Variants in IL1RAPL2 observed in about 807,000 individuals in gnomAD.
The protein encoded by IL1RAPL2 is X-linked interleukin-1 receptor accessory protein-like 2.
A neutral mutation model predicts 44.1 loss-of-function variants in IL1RAPL2; 3 were observed. That is an observed-to-expected ratio of 0.07 (90% confidence interval 0.03 to 0.18). IL1RAPL2 has a LOEUF of 0.18. Among genes scored for constraint, IL1RAPL2 ranks in the 10% least tolerant of loss-of-function variants. IL1RAPL2 has a pLI of 1.00. For missense variants in IL1RAPL2, 391 were observed against 496.4 expected (o/e 0.79, Z 2.02); for synonymous variants, 181 against 178.8 (o/e 1.01, Z -0.10).
chrX:105,633,632 T>G (rs753009627), intron 6 of IL1RAPL2, among the ~76,000 whole-genome samples: 1 of 111,713 alleles, frequency 9.0e-6, no homozygotes, highest in Admixed American at 9.5e-5. Context: ...TAGGAAAGCT[T>G]CTTTATCACT....
intron 5 of IL1RAPL2, among the ~76,000 whole-genome samples, chrX:105,284,999 G>C (rs778769057): frequency 1.8e-5 from 2 of 112,044 alleles, no homozygotes; most frequent in South Asian, 7.5e-4. Flanking sequence ...TTTCCTCACT[G>C]ATAAAGAAGT....
intron 6 of IL1RAPL2, among the ~76,000 whole-genome samples, chrX:105,586,747 T>A (rs1047060632): frequency 3.6e-5 from 4 of 112,423 alleles, no homozygotes; most frequent in African/African-American, 1.3e-4. Flanking sequence ...TTTCCTTCCA[T>A]GCATGCATAG....
intron 2 of IL1RAPL2, among the ~76,000 whole-genome samples, chrX:104,878,193 A>G: frequency 9.0e-6 from 1 of 111,226 alleles, no homozygotes; most frequent in Non-Finnish European, 1.9e-5. Context: ...GTTTCACCAC[A>G]CTCTGTGCCA....
intron 5 of IL1RAPL2, among the ~76,000 whole-genome samples, chrX:105,345,569 T>C (rs1217744586): frequency 9.0e-6 from 1 of 111,407 alleles, no homozygotes; most frequent in East Asian, 2.8e-4. Flanking sequence ...GTTTTTTTTT[T>C]CATTTCAGAG....
chrX:105,397,962 T>C (rs749499923), intron 5 of IL1RAPL2, among the ~76,000 whole-genome samples: 1 of 110,793 alleles, frequency 9.0e-6, no homozygotes, highest in Admixed American at 9.7e-5. Context: ...CAAAAATGCC[T>C]AAAGTTTCTT....
At chrX:105,111,431 GC>G (rs1305343591) in intron 2 of IL1RAPL2, among the ~76,000 whole-genome samples, 2 of 111,497 alleles carry the variant, frequency 1.8e-5, no homozygotes, top group Non-Finnish European at 1.9e-5. Context: ...ATACCTGGAA[GC>G]TTGATGTCTA....
intron 2 of IL1RAPL2, among the ~76,000 whole-genome samples, chrX:104,661,635 A>G (rs1444694316): frequency 9.1e-6 from 1 of 109,704 alleles, no homozygotes; most frequent in Non-Finnish European, 1.9e-5. Flanking sequence ...TGTAGAAAAT[A>G]TAATTATTTG....
chrX:104,917,710 A>C (rs768378739), intron 2 of IL1RAPL2, among the ~76,000 whole-genome samples: 2 of 112,169 alleles, frequency 1.8e-5, no homozygotes, highest in Non-Finnish European at 3.8e-5. Context: ...GTAAGAATTT[A>C]AACACCAGGG....
chrX:105,149,415 A>G (rs187873458), intron 2 of IL1RAPL2, among the ~76,000 whole-genome samples: 1 of 112,202 alleles, frequency 8.9e-6, no homozygotes, highest in African/African-American at 3.2e-5. Flanking sequence ...ATGACAATGA[A>G]TATGTTGCTT....
At chrX:104,850,856 T>A (rs1358305397) in intron 2 of IL1RAPL2, among the ~76,000 whole-genome samples, 4 of 111,577 alleles carry the variant, frequency 3.6e-5, no homozygotes, top group East Asian at 2.8e-4. Flanking sequence ...TAGTTTTTTT[T>A]AATAAGCTTA....
At chrX:105,273,711 A>G (rs1264476157) in intron 5 of IL1RAPL2, among the ~76,000 whole-genome samples, 1 of 111,814 alleles carries the variant, frequency 8.9e-6, no homozygotes, top group Non-Finnish European at 1.9e-5. Flanking sequence ...AAAAATGGGC[A>G]ATTTTCCCTG....
intron 2 of IL1RAPL2, among the ~76,000 whole-genome samples, chrX:104,890,204 G>T (rs1162650414): frequency 8.9e-6 from 1 of 111,751 alleles, no homozygotes; most frequent in African/African-American, 3.3e-5. Context: ...ATCATTGTTG[G>T]ACACTTGGGT....
intron 10 of IL1RAPL2, among the ~76,000 whole-genome samples, chrX:105,763,723 T>G (rs2038706521): frequency 9.0e-6 from 1 of 111,069 alleles, no homozygotes; most frequent in Admixed American, 9.6e-5. Flanking sequence ...CAGTCTCGCC[T>G]TCTTTTCCTA....
At chrX:104,692,914 T>C (rs1287984250) in intron 2 of IL1RAPL2, among the ~76,000 whole-genome samples, 2 of 111,626 alleles carry the variant, frequency 1.8e-5, no homozygotes, top group Non-Finnish European at 3.8e-5. Flanking sequence ...TCTGAGGAAT[T>C]GCCACACCAA....
intron 1 of IL1RAPL2, among the ~76,000 whole-genome samples, chrX:104,622,087 A>G (rs1314774474): frequency 9.1e-6 from 1 of 109,816 alleles, no homozygotes; most frequent in Non-Finnish European, 1.9e-5. Context: ...TACAATTGTT[A>G]TCTTCTGCTT....
intron 6 of IL1RAPL2, among the ~76,000 whole-genome samples, chrX:105,641,656 G>C (rs935925743): frequency 3.6e-5 from 4 of 112,113 alleles, no homozygotes; most frequent in Admixed American, 1.9e-4. Context: ...TAGAGGTGGA[G>C]TGATGAGGAA....
intron 2 of IL1RAPL2, among the ~76,000 whole-genome samples, chrX:104,970,440 A>G (rs1486908258): frequency 8.9e-6 from 1 of 112,015 alleles, no homozygotes; most frequent in African/African-American, 3.2e-5. Flanking sequence ...CTCCTTGCAG[A>G]GCAGGGCTAC....
intron 5 of IL1RAPL2, among the ~76,000 whole-genome samples, chrX:105,339,680 C>T (rs956583769): frequency 9.0e-6 from 1 of 111,271 alleles, no homozygotes; most frequent in Non-Finnish European, 1.9e-5. Flanking sequence ...TGCTCAAAAG[C>T]GTAAAGGAAA....
chrX:105,088,960 C>T (rs2032509658), intron 2 of IL1RAPL2, among the ~76,000 whole-genome samples: 1 of 110,796 alleles, frequency 9.0e-6, no homozygotes. Context: ...ACAAATTAAA[C>T]ACCTTGAATA....
Sources: gnomAD v4.1 joint callset for allele counts (sites outside exome capture counted in the v4.1 genomes callset) on GRCh38, gnomAD v4.1.1 for gene constraint, MANE v1.5 for transcripts, NCBI Gene and HGNC (gene_info 2026-07-23, HGNC 2026-07-21) for gene names.